CMIP: variants seen among roughly 807,000 people sequenced by gnomAD.
CMIP encodes C-Maf-inducing protein.
In CMIP, 13 loss-of-function variants were observed where a neutral mutation model predicts 97.3. The observed-to-expected ratio is 0.13, with a 90% CI of 0.09 to 0.21. The LOEUF (loss-of-function observed/expected upper bound fraction) is 0.21, where lower values mean the gene tolerates loss of function less well. Ranked by LOEUF, CMIP falls within the 10% of genes least tolerant of loss-of-function variation. CMIP has a pLI of 1.00. For missense variants in CMIP, 847 were observed against 1,024.9 expected, an observed-to-expected ratio of 0.83 and a Z score of 2.37; for synonymous variants, 538 against 436.3, an observed-to-expected ratio of 1.23 and a Z score of -2.91.
intron 1 of CMIP, among the ~76,000 whole-genome samples, chr16:81,546,763 C>T (rs946724382): frequency 1.3e-5 from 2 of 152,204 alleles, no homozygotes; most frequent in Non-Finnish European, 2.9e-5. Context: ...GGGAGCTAGA[C>T]ATCCCTCTAG....
chr16:81,669,468 C>T (rs548255090), intron 7 of CMIP, among the ~76,000 whole-genome samples: 1 of 139,572 alleles, frequency 7.2e-6, no homozygotes, highest in Non-Finnish European at 1.6e-5. Context: ...CACCTCTCAC[C>T]TTCCACACCC....
intron 1 of CMIP, among the ~76,000 whole-genome samples, chr16:81,588,918 T>A (rs912700258): frequency 6.6e-6 from 1 of 152,048 alleles, no homozygotes. Flanking sequence ...CCCAACTGGC[T>A]CTCTAGCTGG....
At chr16:81,498,486 C>T (rs1248883070) in intron 1 of CMIP, among the ~76,000 whole-genome samples, 2 of 152,340 alleles carry the variant, frequency 1.3e-5, no homozygotes, top group Admixed American at 1.3e-4. Flanking sequence ...TGCCTCTGCC[C>T]AGTGGTCCTG....
chr16:81,530,047 G>A (rs892235685), intron 1 of CMIP, among the ~76,000 whole-genome samples: 2 of 152,216 alleles, frequency 1.3e-5, no homozygotes, highest in Non-Finnish European at 2.9e-5. Context: ...GGGACAGTAA[G>A]ACCATCATCA....
rs143596812 is a variant in CMIP at position 81,586,551 on chromosome 16, C to T, written c.301-21016C>T. 7.6e-4 allele frequency among the ~76,000 whole-genome samples: 115 copies of T among 152,226 alleles called. 1 individual carries two copies. The highest frequency in any genetic ancestry group is 2.4e-3 in the African/African-American group (98 of 41,534). On this transcript the variant is annotated intron_variant, in intron 1 of 20. Transcript: ENST00000537098. ...ATTCCTCAGTGATCCGGTGTAACTCCAAGCACTGTAGCCTGCCACGCAAGG... is the reference window on the plus strand; with the variant it reads ...ATTCCTCAGTGATCCGGTGTAACTCTAAGCACTGTAGCCTGCCACGCAAGG...
intron 10 of CMIP, 90 bp from the exon 11 acceptor site, chr16:81,691,685 C>G: frequency 1.0e-6 from 1 of 991,862 alleles, no homozygotes; most frequent in South Asian, 1.3e-5. Flanking sequence ...CAGGCTCTCA[C>G]CCCATCTTTT....
intron 1 of CMIP, among the ~76,000 whole-genome samples, chr16:81,594,452 C>G (rs2091517445): frequency 6.6e-6 from 1 of 151,278 alleles, no homozygotes; most frequent in Non-Finnish European, 1.5e-5. Flanking sequence ...TAATCTAATT[C>G]AAAGTGTACA....
chr16:81,707,383 A>G (rs116155842), intron 20 of CMIP, among the ~76,000 whole-genome samples: 1,524 of 152,338 alleles, frequency 0.01, 29 homozygotes, highest in African/African-American at 0.034. Context: ...GAGGAAAAGC[A>G]AGTGCCAAGG....
intron 10 of CMIP, among the ~76,000 whole-genome samples, chr16:81,682,764 G>A (rs1905001489): frequency 6.6e-6 from 1 of 152,214 alleles, no homozygotes; most frequent in Non-Finnish European, 1.5e-5. Flanking sequence ...CTGATCAGTT[G>A]CTGCGTGTTC....
intron 1 of CMIP, among the ~76,000 whole-genome samples, chr16:81,454,115 G>A (rs1360984858): frequency 6.6e-6 from 1 of 152,190 alleles, no homozygotes; most frequent in African/African-American, 2.4e-5. Context: ...TTTCGGCCAA[G>A]CTTGCAGTCT....
intron 1 of CMIP, among the ~76,000 whole-genome samples, chr16:81,575,089 C>G (rs566501457): frequency 6.6e-6 from 1 of 152,312 alleles, no homozygotes; most frequent in East Asian, 1.9e-4. Flanking sequence ...AATATAATAA[C>G]TGAGTAACTG....
intron 9 of CMIP, among the ~76,000 whole-genome samples, chr16:81,674,250 G>A (rs1218816302): frequency 3.3e-5 from 5 of 152,128 alleles, no homozygotes; most frequent in African/African-American, 1.2e-4. Flanking sequence ...ACAGCACGGT[G>A]AGGCAAAAAG....
intron 1 of CMIP, among the ~76,000 whole-genome samples, chr16:81,448,478 CT>C (rs1215528679): frequency 6.6e-6 from 1 of 152,208 alleles, no homozygotes; most frequent in Non-Finnish European, 1.5e-5. Flanking sequence ...CTAGGTACAC[CT>C]TTTAGTCTGG....
chr16:81,703,614 GACACAC>G lies in CMIP; in HGVS notation c.1945-315_1945-310del, dbSNP rs148131414. 6.6e-5 allele frequency among the ~76,000 whole-genome samples: 10 copies of G among 151,242 alleles called. No individual in the cohort carries two copies. In the South Asian group the frequency reaches 1.3e-3, roughly 19 times the overall value. ...ACACACATACAGGCACACACACACA[GACACAC>G]ACACACACAGACGCCTGTGGGAGGA... On this transcript the variant is annotated intron_variant, in intron 17 of 20. Transcript: ENST00000537098.
intron 3 of CMIP, among the ~76,000 whole-genome samples, chr16:81,628,107 G>C (rs544673893): frequency 3.9e-5 from 6 of 152,242 alleles, no homozygotes; most frequent in South Asian, 2.1e-4. Context: ...ATGCTAGAAG[G>C]GGGGATCCCT....
At chr16:81,555,331 C>G (rs548178475) in intron 1 of CMIP, among the ~76,000 whole-genome samples, 1 of 152,172 alleles carries the variant, frequency 6.6e-6, no homozygotes, top group Non-Finnish European at 1.5e-5. Context: ...AAGAACCCCC[C>G]CTAGACTGTG....
Position 81,548,129 on chromosome 16 carries a change from A to AC in CMIP, c.301-59437dup, listed in dbSNP as rs2090584137. ...CTCTACTGACATCTAAGGATGGATC[A>AC]CTTTTTTTTTTTTTTTTTTTTTGAG... On this transcript the variant is annotated intron_variant, in intron 1 of 20. Coordinates refer to ENST00000537098, the MANE Select transcript of CMIP (RefSeq NM_198390.3). Among the ~76,000 whole-genome samples the AC allele has an allele frequency of 5.4e-5, 6 of 111,556 alleles. No individual in the cohort carries two copies. The South Asian group carries it at 1.4e-3, about 25-fold the overall frequency. The allele number at this position is 111,556 out of a possible 152,430, so 73.2% of individuals were successfully genotyped here. A position where few individuals can be genotyped will look rare whatever the true frequency, so the allele number is the denominator to read the frequency against.
At chr16:81,535,362 A>G (rs773888380) in intron 1 of CMIP, among the ~76,000 whole-genome samples, 2 of 151,926 alleles carry the variant, frequency 1.3e-5, no homozygotes, top group African/African-American at 4.8e-5. Context: ...AGAATCTCAC[A>G]TGCATAAAAT....
At chr16:81,447,015 C>T (rs1163443886) in intron 1 of CMIP, among the ~76,000 whole-genome samples, 1 of 152,184 alleles carries the variant, frequency 6.6e-6, no homozygotes, top group Non-Finnish European at 1.5e-5. Flanking sequence ...CGGCCCAGTC[C>T]CCGGTCAGGC....
Sources: allele counts gnomAD v4.1 joint callset (sites outside exome capture counted in the v4.1 genomes callset), GRCh38; gene constraint gnomAD v4.1.1; transcripts MANE v1.5; gene names NCBI Gene and HGNC (gene_info 2026-07-23, HGNC 2026-07-21).